The following ZNF101 variants were observed in gnomAD, a reference collection of about 807,000 sequenced individuals.
ZNF101 encodes zinc finger protein 101.
A neutral mutation model predicts 42.6 loss-of-function variants in ZNF101; 34 were observed. That is an observed-to-expected ratio of 0.80 (90% confidence interval 0.61 to 1.06). The LOEUF (loss-of-function observed/expected upper bound fraction) is 1.06. Ranked by LOEUF, ZNF101 falls within the 50% of genes least tolerant of loss-of-function variation. The probability of loss-of-function intolerance (pLI) is 0.00; values close to 1 mark genes in which losing one functional copy is unlikely to be tolerated. For missense variants in ZNF101, 466 were observed against 530.9 expected (o/e 0.88, Z 1.20); for synonymous variants, 158 against 183.9 (o/e 0.86, Z 1.14).
chr19:19,679,086 CT>C, intron 3 of ZNF101, 94 bp from the exon 4 acceptor site: 1 of 1,509,900 alleles, frequency 6.6e-7, no homozygotes, highest in Non-Finnish European at 8.8e-7. Flanking sequence ...TCCACTTTTC[CT>C]GATTTTGGTA....
Position 19,681,949 on chromosome 19 carries a change from G to A in ZNF101, c.*1649G>A, listed in dbSNP as rs1187502808. 1 of 137,116 alleles carries A rather than the reference G, an allele frequency of 7.3e-6. No homozygotes were observed. The highest frequency in any genetic ancestry group is 2.7e-5 in the African/African-American group (1 of 37,108). 8.5% of individuals were successfully genotyped at this position (137,116 alleles called of 1,614,324 possible). ...TTTTTTTTTTTTTTTTTGAGATGGA[G>A]TTTTGCCCTGTCGCCCAGGCTGGAG... On this transcript the variant is annotated 3_prime_UTR_variant, in exon 4 of 4. Coordinates refer to ENST00000592502, the MANE Select transcript of ZNF101 (RefSeq NM_033204.4).
At chr19:19,676,698 A>G (rs557699867) in intron 1 of ZNF101, 1 of 150,826 alleles carries the variant, frequency 6.6e-6, no homozygotes, top group East Asian at 1.9e-4. Flanking sequence ...CAGTGGCATG[A>G]TCTCAGCTGA....
intron 1 of ZNF101, among the ~76,000 whole-genome samples, chr19:19,673,052 C>T (rs1285712709): frequency 1.3e-5 from 2 of 151,648 alleles, no homozygotes; most frequent in Non-Finnish European, 2.9e-5. Flanking sequence ...TCAAGCCATT[C>T]TCCTGCCTCA....
chr19:19,680,809 A>G lies in ZNF101; in HGVS notation c.*509A>G, dbSNP rs1230102708. 6.6e-6 allele frequency: 1 copy of G among 151,768 alleles called. No homozygotes were observed. The highest frequency in any genetic ancestry group is 2.4e-5 in the African/African-American group (1 of 41,142). The allele number at this position is 151,768 out of a possible 1,614,324, so 9.4% of individuals were successfully genotyped here. A position where few individuals can be genotyped will look rare whatever the true frequency, so the allele number is the denominator to read the frequency against. On this transcript the variant is annotated 3_prime_UTR_variant, in exon 4 of 4. Coordinates refer to ENST00000592502, the MANE Select transcript of ZNF101 (RefSeq NM_033204.4). ...GTGGTGTGTGCCTGTAGTCCCAGCT[A>G]CTCGGGAGGCTGAGGCAGGAGAATT...
At chr19:19,672,523 A>T (rs1422440982) in intron 1 of ZNF101, among the ~76,000 whole-genome samples, 4 of 145,290 alleles carry the variant, frequency 2.8e-5, no homozygotes, top group African/African-American at 1.0e-4. Flanking sequence ...CCCTATATGC[A>T]TTTTAGAACG....
intron 1 of ZNF101, chr19:19,672,193 A>G (rs2062174946): frequency 6.7e-6 from 1 of 149,936 alleles, no homozygotes; most frequent in East Asian, 1.9e-4. Flanking sequence ...TATTTATTTT[A>G]TTTTTTTACT....
chr19:19,677,833 C>T, intron 1 of ZNF101, 31 bp from the exon 2 acceptor site: 1 of 1,603,634 alleles, frequency 6.2e-7, no homozygotes, highest in Non-Finnish European at 8.5e-7. Context: ...GAGTCTCACC[C>T]CTCCTCCTCC....
rs557262357 is a variant in ZNF101 at position 19,680,956 on chromosome 19, GA to G, written c.*666del. On this transcript the variant is annotated 3_prime_UTR_variant, in exon 4 of 4. Transcript: ENST00000592502. ...AAAAAGAAGGCCCCATATCTCCAAAGAAAAAAAAAATTAACTGGGTGAGGTG... is the reference window on the plus strand; with the variant it reads ...AAAAAGAAGGCCCCATATCTCCAAAGAAAAAAAAATTAACTGGGTGAGGTG... The G allele has an allele frequency of 2.9e-4, 43 of 149,658 alleles. 1 individual carries two copies. The South Asian group carries it at 3.8e-3, about 13-fold the overall frequency. 9.3% of individuals were successfully genotyped at this position (149,658 alleles called of 1,614,324 possible). A position where few individuals can be genotyped will look rare whatever the true frequency, so the allele number is the denominator to read the frequency against.
At chr19:19,678,658 C>T in intron 2 of ZNF101, 68 bp from the exon 3 acceptor site, 1 of 1,353,902 alleles carries the variant, frequency 7.4e-7, no homozygotes, top group Non-Finnish European at 1.0e-6. Context: ...GTTTAATGAA[C>T]TTAGAACCTA....
intron 1 of ZNF101, 103 bp downstream of exon 1, chr19:19,669,069 C>T: frequency 1.4e-6 from 2 of 1,446,340 alleles, no homozygotes; most frequent in East Asian, 2.6e-5. Flanking sequence ...GGGTCTGGGA[C>T]CCGAGTCCCC....
Position 19,677,936 on chromosome 19 carries a change from A to C in ZNF101, c.76A>C (p.Lys26Gln), listed in dbSNP as rs1472873571. Residue 26 changes from lysine to glutamine, a missense_variant, in exon 2 of 4, where the codon AAG (lysine) becomes CAG (glutamine). Transcript: ENST00000592502. Reference sequence around the variant, plus strand: ...GTGGGCTTTGCTGAGTCCTTCCCAGAAGAATCTCTACAGAGATGTGACGCT... The same window carrying C: ...GTGGGCTTTGCTGAGTCCTTCCCAGCAGAATCTCTACAGAGATGTGACGCT... ...EEWALLSPSQ[K>Q]NLYRDVTLET... The C allele has an allele frequency of 1.2e-6, 2 of 1,612,652 alleles. No individual in the cohort carries two copies. Among genetic ancestry groups the C allele is most frequent in the South Asian group, 2.2e-5 (2 of 91,060 alleles).
Position 19,677,866 on chromosome 19 carries a change from C to T in ZNF101, c.6C>T (p.Asp2=), listed in dbSNP as rs776593909. 1 of 1,611,042 alleles carries T rather than the reference C, an allele frequency of 6.2e-7. No homozygotes were observed. The highest frequency in any genetic ancestry group is 1.7e-5 in the Admixed American group (1 of 59,904). The change falls in exon 2 of 4, where the codon GAC becomes GAT. Residue 2 remains aspartate (D), a splice_region_variant and synonymous_variant. Transcript: ENST00000592502. The part of the protein sequence containing the change: M[D]SVAFEDVAVN... ...TCCACACCTGTGGGATGTTTCAGGA[C>T]TCAGTGGCCTTTGAGGATGTGGCTG...
At chr19:19,679,117 A>T (rs896489346) in intron 3 of ZNF101, 64 bp from the exon 4 acceptor site, 2 of 1,563,982 alleles carry the variant, frequency 1.3e-6, no homozygotes, top group Admixed American at 1.8e-5. Flanking sequence ...GTCTTAAGAC[A>T]TGTCAATTAG....
rs756436602 is a variant in ZNF101, at chr19:19,678,801, C to T, written c.191+15C>T. 2.5e-6 allele frequency: 4 copies of T among 1,602,252 alleles called. No homozygotes were observed. The highest frequency in any genetic ancestry group is 2.6e-6 in the Non-Finnish European group (3 of 1,175,430). On this transcript the variant is annotated intron_variant, in intron 3 of 3. Transcript: ENST00000592502. ...ATTAAGCTAAGGTAATCTCCACTCA[C>T]AAGAGGAAGCAGTGTCTCTTGAGGG...
In ZNF101 at chr19:19,679,946, T is replaced by C. The variant is rs1304300117; in HGVS notation, c.957T>C (p.Phe319=). Residue 319 remains phenylalanine, a synonymous_variant, in exon 4 of 4, where the codon TTT becomes TTC. Transcript: ENST00000592502. ...LYECQKCAKV[F]RCPTSLQAHE... is the part of the protein sequence containing the mutation. ...AATGTCAAAAATGTGCCAAAGTCTT[T>C]AGATGTCCCACGTCCCTTCAAGCAC... 2 of 1,613,994 alleles carry C rather than the reference T, an allele frequency of 1.2e-6. No individual in the cohort carries two copies. Among genetic ancestry groups the C allele is most frequent in the East Asian group, 4.5e-5 (2 of 44,900 alleles).
In ZNF101 at chr19:19,678,771, TG is replaced by T; in HGVS notation, c.180del (p.Ile61LeufsTer3). ...GACATTGAGAATCTGTACCAAAACC[TG>T]GGGATTAAGCTAAGGTAATCTCCAC... ...DQDIENLYQN[L>X]GIKLRSLVER... On this transcript the variant is annotated frameshift_variant, in exon 3 of 4. Transcript: ENST00000592502. LOFTEE classifies it high-confidence loss of function. 6.2e-7 allele frequency: 1 copy of T among 1,612,086 alleles called. No individual in the cohort carries two copies. Among genetic ancestry groups the T allele is most frequent in the Non-Finnish European group, 8.5e-7 (1 of 1,179,420 alleles).
At chr19:19,668,751 CGCTGTGCGGCAA>C, upstream of ZNF101, 1 of 535,626 alleles carries the variant, frequency 1.9e-6, no homozygotes, top group Non-Finnish European at 3.2e-6. Flanking sequence ...CAGTCAGAGG[CGCTGTGCGGCAA>C]ACTGTCCAAT....
chr19:19,674,582 T>G (rs555564819), intron 1 of ZNF101, among the ~76,000 whole-genome samples: 3 of 152,210 alleles, frequency 2.0e-5, no homozygotes, highest in Non-Finnish European at 4.4e-5. Flanking sequence ...TGCTAGCATT[T>G]ATTTGAGGAT....
At chr19:19,672,390 T>A (rs1017758052) in intron 1 of ZNF101, 2 of 151,952 alleles carry the variant, frequency 1.3e-5, no homozygotes, top group Admixed American at 1.3e-4. Context: ...TAATTTTTTT[T>A]AGCTTTAGTA....
Sources: gnomAD v4.1 joint callset for allele counts (sites outside exome capture counted in the v4.1 genomes callset) on GRCh38, gnomAD v4.1.1 for gene constraint, MANE v1.5 for transcripts, NCBI Gene and HGNC (gene_info 2026-07-23, HGNC 2026-07-21) for gene names.